Variants in CTNNA3 observed in about 807,000 individuals in gnomAD.
The protein encoded by CTNNA3 is catenin alpha 3, also known as catenin alpha-3.
Under a neutral mutation model 95.7 loss-of-function variants are expected in CTNNA3, and 76 were observed. The ratio of observed to expected loss-of-function variants is 0.79; its 90% CI spans 0.66 to 0.96. The LOEUF (loss-of-function observed/expected upper bound fraction) is 0.96. CTNNA3 is among the 40% of genes least tolerant of loss of function. The pLI is 0.00. For missense variants in CTNNA3, 1,191 were observed against 1,089.8 expected (o/e 1.09, Z -1.31); for synonymous variants, 431 against 374.4 (o/e 1.15, Z -1.74).
intron 9 of CTNNA3, among the ~76,000 whole-genome samples, chr10:66,701,781 G>A (rs968906278): frequency 6.6e-6 from 1 of 152,040 alleles, no homozygotes; most frequent in Non-Finnish European, 1.5e-5. Flanking sequence ...AATCAGAAGT[G>A]TTTCTGATTT....
At chr10:66,066,660 T>G (rs1373628627) in intron 15 of CTNNA3, among the ~76,000 whole-genome samples, 1 of 152,218 alleles carries the variant, frequency 6.6e-6, no homozygotes, top group Non-Finnish European at 1.5e-5. Context: ...CCATGTATAA[T>G]ACACAATAAA....
intron 2 of CTNNA3, among the ~76,000 whole-genome samples, chr10:67,612,356 A>C (rs1054497550): frequency 5.3e-5 from 8 of 152,260 alleles, no homozygotes; most frequent in Non-Finnish European, 1.0e-4. Context: ...AGTGCTGCCA[A>C]AATTGCAAAC....
At chr10:66,854,715 G>A (rs182807896) in intron 7 of CTNNA3, among the ~76,000 whole-genome samples, 1 of 151,238 alleles carries the variant, frequency 6.6e-6, no homozygotes, top group Non-Finnish European at 1.5e-5. Context: ...GAATGTGGTA[G>A]ATGTGTGTGG....
chr10:66,235,388 T>A (rs890238320), intron 13 of CTNNA3, among the ~76,000 whole-genome samples: 2 of 151,070 alleles, frequency 1.3e-5, no homozygotes, highest in Non-Finnish European at 3.0e-5. Context: ...ATAGTTTTAT[T>A]AATATTCTAT....
chr10:66,046,034 A>T (rs2133515465), intron 15 of CTNNA3, among the ~76,000 whole-genome samples: 1 of 152,294 alleles, frequency 6.6e-6, no homozygotes, highest in South Asian at 2.1e-4. Flanking sequence ...GGGGTGAGTA[A>T]TACAATGCCC....
chr10:67,717,990 TC>T (rs1841154481), intron 1 of CTNNA3, among the ~76,000 whole-genome samples: 1 of 152,218 alleles, frequency 6.6e-6, no homozygotes. Context: ...CTCTTTTATT[TC>T]CTTGAGCAAT....
In CTNNA3 at chr10:67,136,471, C is replaced by T. The variant is rs556650545; in HGVS notation, c.1047+43846G>A. 2.0e-5 allele frequency among the ~76,000 whole-genome samples: 3 copies of T among 151,780 alleles called. No individual in the cohort carries two copies. The South Asian group carries it at 6.2e-4, about 32-fold the overall frequency. On this transcript the variant is annotated intron_variant, in intron 7 of 17. Coordinates refer to ENST00000433211, the MANE Select transcript of CTNNA3 (RefSeq NM_013266.4). ...AGAAAGTAAATTTCCAAAGGAGAAG[C>T]AGGTAAACGATAGTGCACACAAGAG...
At position 66,255,340 on chromosome 10, in the gene CTNNA3, T is replaced by C. The variant is rs990235562; in HGVS notation, c.1884+25130A>G. 3.9e-5 allele frequency among the ~76,000 whole-genome samples: 6 copies of C among 152,146 alleles called. No homozygotes were observed. The East Asian group carries it at 1.2e-3, about 30-fold the overall frequency. On this transcript the variant is annotated intron_variant, in intron 13 of 17. Transcript: ENST00000433211. The stretch of plus-strand genomic sequence containing the variant: ...GTGCCGTATCTAAACCCAACATGGG[T>C]TCAACTCATTCTTCAGTTCTATCCT...
intron 5 of CTNNA3, among the ~76,000 whole-genome samples, chr10:67,401,419 A>G (rs753783243): frequency 1.3e-5 from 2 of 152,174 alleles, no homozygotes; most frequent in Non-Finnish European, 2.9e-5. Context: ...AAACTACCAA[A>G]CATGGATTGA....
intron 5 of CTNNA3, among the ~76,000 whole-genome samples, chr10:67,464,319 G>A (rs1238719564): frequency 6.6e-6 from 1 of 151,832 alleles, no homozygotes; most frequent in African/African-American, 2.4e-5. Flanking sequence ...ATTCTTCAAG[G>A]TCCAGAAACA....
At chr10:65,948,010 G>T (rs1016762585) in intron 17 of CTNNA3, among the ~76,000 whole-genome samples, 2 of 152,210 alleles carry the variant, frequency 1.3e-5, no homozygotes, top group East Asian at 3.9e-4. Flanking sequence ...AGGCGCGGTG[G>T]CTTACGCCTG....
intron 5 of CTNNA3, among the ~76,000 whole-genome samples, chr10:67,326,511 G>C (rs1165063701): frequency 1.3e-5 from 2 of 152,132 alleles, no homozygotes; most frequent in East Asian, 3.9e-4. Flanking sequence ...AAGAATTTCT[G>C]GGTTGAAATT....
In CTNNA3 at chr10:66,789,808, C is replaced by T. The variant is rs181183849; in HGVS notation, c.1048-14284G>A. ...ACAGAAGTGCAGAAGTGCCTGAGCA[C>T]CAGCACTCCCCTGCATGGACAAGGG... On this transcript the variant is annotated intron_variant, in intron 7 of 17. Transcript: ENST00000433211. Among the ~76,000 whole-genome samples the T allele has an allele frequency of 3.4e-3, 520 of 152,216 alleles. 4 individuals carry two copies. The highest frequency in any genetic ancestry group is 4.4e-3 in the Non-Finnish European group (298 of 68,014).
intron 7 of CTNNA3, among the ~76,000 whole-genome samples, chr10:66,811,065 G>A (rs764711385): frequency 6.6e-6 from 1 of 152,136 alleles, no homozygotes; most frequent in Non-Finnish European, 1.5e-5. Context: ...GTGCTGATTT[G>A]CAAGTTAAAA....
intron 6 of CTNNA3, among the ~76,000 whole-genome samples, chr10:67,204,378 C>A (rs900829523): frequency 6.9e-6 from 1 of 145,780 alleles, no homozygotes. Flanking sequence ...ACCTCCCCCC[C>A]TCTCTCTTCC....
chr10:67,706,515 TCC>T (rs1589577099), intron 1 of CTNNA3, among the ~76,000 whole-genome samples: 2 of 151,966 alleles, frequency 1.3e-5, no homozygotes, highest in Admixed American at 6.6e-5. Context: ...CTACTTCCTC[TCC>T]TCTTGAAGAT....
chr10:66,423,421 T>C (rs2093212549), intron 11 of CTNNA3, among the ~76,000 whole-genome samples: 2 of 152,200 alleles, frequency 1.3e-5, no homozygotes, highest in South Asian at 4.1e-4. Context: ...GGAGCATCAC[T>C]GTCTTGGACA....
At chr10:67,656,491 C>T (rs1012606759) in intron 1 of CTNNA3, among the ~76,000 whole-genome samples, 2 of 151,944 alleles carry the variant, frequency 1.3e-5, no homozygotes, top group South Asian at 2.1e-4. Flanking sequence ...GTGCCAATCA[C>T]GAGGAGAGTG....
intron 7 of CTNNA3, among the ~76,000 whole-genome samples, chr10:67,175,676 C>T (rs1862206850): frequency 6.6e-6 from 1 of 152,096 alleles, no homozygotes; most frequent in Admixed American, 6.5e-5. Flanking sequence ...TTCTAATAAT[C>T]CCCTATAGTC....
Sources: allele counts gnomAD v4.1 joint callset (sites outside exome capture counted in the v4.1 genomes callset), GRCh38; gene constraint gnomAD v4.1.1; transcripts MANE v1.5; gene names NCBI Gene and HGNC (gene_info 2026-07-23, HGNC 2026-07-21).